The following EPHB1 variants were observed in gnomAD, a reference collection of about 807,000 sequenced individuals.
The protein encoded by EPHB1 is EPH receptor B1, also known as ephrin type-B receptor 1.
Under a neutral mutation model 94.4 loss-of-function variants are expected in EPHB1, and 30 were observed. The observed-to-expected ratio is 0.32, with a 90% CI of 0.24 to 0.43. The LOEUF (loss-of-function observed/expected upper bound fraction) is 0.43, where lower values mean the gene tolerates loss of function less well. Ranked by LOEUF, EPHB1 falls within the 20% of genes least tolerant of loss-of-function variation. EPHB1 has a pLI of 1.00. For missense variants in EPHB1, 1,055 were observed against 1,308.3 expected (o/e 0.81, Z 2.99); for synonymous variants, 522 against 489.1 (o/e 1.07, Z -0.89).
chr3:134,860,357 C>A (rs2037227688), intron 1 of EPHB1, among the ~76,000 whole-genome samples: 1 of 152,094 alleles, frequency 6.6e-6, no homozygotes, highest in Non-Finnish European at 1.5e-5. Flanking sequence ...TGGTACCTAG[C>A]CAAAGAAAGG....
At chr3:134,937,741 T>C (rs552033012) in intron 2 of EPHB1, among the ~76,000 whole-genome samples, 1 of 152,290 alleles carries the variant, frequency 6.6e-6, no homozygotes, top group Admixed American at 6.5e-5. Flanking sequence ...AGCTGGGGCC[T>C]GGGGCCTGCA....
chr3:134,903,211 G>A (rs192772132), intron 1 of EPHB1, among the ~76,000 whole-genome samples: 2 of 152,356 alleles, frequency 1.3e-5, no homozygotes, highest in Non-Finnish European at 2.9e-5. Context: ...TCCGTGCCAA[G>A]CTGGGGACAA....
intron 3 of EPHB1, among the ~76,000 whole-genome samples, chr3:135,105,395 C>T (rs867398505): frequency 2.0e-5 from 3 of 152,024 alleles, no homozygotes; most frequent in African/African-American, 7.3e-5. Context: ...TAGGTTTTAC[C>T]CAGTCTCAAA....
intron 3 of EPHB1, among the ~76,000 whole-genome samples, chr3:135,059,629 T>G (rs1465584997): frequency 6.6e-6 from 1 of 152,220 alleles, no homozygotes; most frequent in Non-Finnish European, 1.5e-5. Context: ...TACAGGGTTT[T>G]TACCTGTTTC....
intron 3 of EPHB1, among the ~76,000 whole-genome samples, chr3:135,063,874 G>A (rs1001795788): frequency 6.6e-6 from 1 of 152,004 alleles, no homozygotes; most frequent in Non-Finnish European, 1.5e-5. Flanking sequence ...TCCCTTGTAT[G>A]CTGATTTTGC....
intron 10 of EPHB1, among the ~76,000 whole-genome samples, chr3:135,187,110 C>A (rs956760173): frequency 6.6e-6 from 1 of 151,982 alleles, no homozygotes; most frequent in African/African-American, 2.4e-5. Context: ...ACTAGACTGA[C>A]CTACACCTGG....
At chr3:135,095,357 C>A (rs1048511952) in intron 3 of EPHB1, among the ~76,000 whole-genome samples, 1 of 152,056 alleles carries the variant, frequency 6.6e-6, no homozygotes, top group Non-Finnish European at 1.5e-5. Flanking sequence ...AATGAGCAAT[C>A]CCCAATCAAT....
At chr3:135,242,633 T>C (rs1408159894) in intron 13 of EPHB1, among the ~76,000 whole-genome samples, 1 of 152,168 alleles carries the variant, frequency 6.6e-6, no homozygotes, top group Non-Finnish European at 1.5e-5. Flanking sequence ...CTAGGTCCTC[T>C]ATTATCTGGG....
At chr3:135,180,232 T>G (rs1942117779) in intron 10 of EPHB1, among the ~76,000 whole-genome samples, 1 of 152,146 alleles carries the variant, frequency 6.6e-6, no homozygotes, top group Non-Finnish European at 1.5e-5. Context: ...TCAGCTGCAG[T>G]TTTATAGATT....
chr3:134,909,120 G>GT (rs529788874), intron 1 of EPHB1, among the ~76,000 whole-genome samples: 36 of 110,640 alleles, frequency 3.3e-4, no homozygotes, highest in African/African-American at 1.2e-3. Context: ...GGGGGCGGGG[G>GT]GCGGGCTGGA....
Position 134,951,883 on chromosome 3 carries a change from G to C in EPHB1, c.636G>C (p.Gly212=), listed in dbSNP as rs377562524. The part of the protein sequence containing the change: ...NFAVFPETMT[G]AESTSLVIAR... ...CAGTGTTTCCAGAGACTATGACAGGGGCAGAGAGCACATCTCTGGTGATTG... is the reference window on the plus strand; with the variant it reads ...CAGTGTTTCCAGAGACTATGACAGGCGCAGAGAGCACATCTCTGGTGATTG... Residue 212 remains glycine (G), a synonymous_variant, in exon 3 of 16, where the codon GGG becomes GGC. Coordinates refer to ENST00000398015, the MANE Select transcript of EPHB1 (RefSeq NM_004441.5). This position sits in a 1 kb window ranked among gnomAD's most constrained non-coding sequence, Gnocchi z 4.5. The C allele has an allele frequency of 2.4e-5, 38 of 1,613,912 alleles. No individual in the cohort carries two copies. The highest frequency in any genetic ancestry group is 3.0e-5 in the Non-Finnish European group (35 of 1,179,916).
At chr3:134,923,310 G>C (rs1415127047) in intron 1 of EPHB1, among the ~76,000 whole-genome samples, 1 of 152,132 alleles carries the variant, frequency 6.6e-6, no homozygotes, top group Non-Finnish European at 1.5e-5. Context: ...TGCTATCTGG[G>C]TTACAGGTAG....
chr3:135,041,602 T>C (rs1936845896), intron 3 of EPHB1, among the ~76,000 whole-genome samples: 1 of 152,178 alleles, frequency 6.6e-6, no homozygotes, highest in South Asian at 2.1e-4. Context: ...AGACCCCAAA[T>C]AGGATAGGGT....
chr3:135,110,256 T>TC (rs1939388167), intron 4 of EPHB1, among the ~76,000 whole-genome samples: 1 of 152,248 alleles, frequency 6.6e-6, no homozygotes. Flanking sequence ...TTGCCTTGTT[T>TC]CTTTTATTTC....
At chr3:134,808,055 CA>C (rs2036103299) in intron 1 of EPHB1, among the ~76,000 whole-genome samples, 1 of 152,162 alleles carries the variant, frequency 6.6e-6, no homozygotes, top group South Asian at 2.1e-4. Flanking sequence ...TCATAGAGGT[CA>C]GAGGCATAGA....
At chr3:134,882,776 T>TTC (rs1190294040) in intron 1 of EPHB1, among the ~76,000 whole-genome samples, 1 of 54,940 alleles carries the variant, frequency 1.8e-5, no homozygotes, top group African/African-American at 5.5e-5. Flanking sequence ...CTTTCTTTCT[T>TTC]TCTTTCTTTC....
At chr3:134,907,860 C>T (rs895343713) in intron 1 of EPHB1, among the ~76,000 whole-genome samples, 9 of 152,164 alleles carry the variant, frequency 5.9e-5, no homozygotes, top group Non-Finnish European at 1.2e-4. Context: ...TCAGTGTTTG[C>T]CCCACATGTT....
chr3:135,177,028 T>C (rs984909460), intron 9 of EPHB1, among the ~76,000 whole-genome samples: 9 of 152,196 alleles, frequency 5.9e-5, no homozygotes, highest in African/African-American at 2.2e-4. Flanking sequence ...AATTTACTGA[T>C]GATATAACAA....
chr3:135,096,893 C>A (rs6767090), intron 3 of EPHB1, among the ~76,000 whole-genome samples: 3,744 of 152,092 alleles, frequency 0.025, 55 homozygotes, highest in Non-Finnish European at 0.036. Context: ...GTCGGGAGAT[C>A]GAGACCATCC....
Sources: gnomAD v4.1 joint callset for allele counts (sites outside exome capture counted in the v4.1 genomes callset) on GRCh38, gnomAD v4.1.1 for gene constraint, Gnocchi (gnomAD v3.1) non-coding constraint, MANE v1.5 for transcripts, NCBI Gene and HGNC (gene_info 2026-07-23, HGNC 2026-07-21) for gene names.